The following COXFA4 variants were observed in gnomAD, a reference collection of about 807,000 sequenced individuals.
COXFA4 encodes the protein cytochrome c oxidase subunit FA4.
chr7:10,932,546 C>T, the COXFA4 span: 1 of 152,160 alleles, frequency 6.6e-6, no homozygotes, highest in Non-Finnish European at 1.5e-5. Context: ...TGTATACTTA[C>T]GTATGAAAAT....
chr7:10,940,078 A>C, the COXFA4 span: 1 of 1,613,272 alleles, frequency 6.2e-7, no homozygotes, highest in Non-Finnish European at 8.5e-7. Context: ...GAGGTCTCCG[A>C]CTGGAAAGGA....
the COXFA4 span, chr7:10,940,098 C>T: frequency 8.1e-6 from 13 of 1,605,458 alleles, no homozygotes; most frequent in African/African-American, 1.3e-5. Context: ...AGAGAACCGA[C>T]CTAGCCACCA....
the COXFA4 span, chr7:10,932,804 T>TA: frequency 4.0e-5 from 6 of 151,666 alleles, no homozygotes; most frequent in East Asian, 5.8e-4. Flanking sequence ...ACCCTGTCTC[T>TA]AAAAAAAATT....
At chr7:10,938,882 A>G in the COXFA4 span, 2 of 1,613,262 alleles carry the variant, frequency 1.2e-6, no homozygotes, top group Non-Finnish European at 1.7e-6. Context: ...CAATAAATAC[A>G]AAGAGGGGGA....
the COXFA4 span, chr7:10,933,578 C>T: frequency 5.2e-6 from 7 of 1,359,088 alleles, no homozygotes; most frequent in African/African-American, 1.4e-5. Context: ...GAAAATTGTG[C>T]GGATGTGGCT....
the COXFA4 span, among the ~76,000 whole-genome samples, chr7:10,934,206 T>G: frequency 6.6e-6 from 1 of 151,984 alleles, no homozygotes; most frequent in Admixed American, 6.6e-5. Flanking sequence ...TCTAAGATAT[T>G]TTCTCTCTCT....
At chr7:10,939,137 T>C in the COXFA4 span, 10 of 413,934 alleles carry the variant, frequency 2.4e-5, no homozygotes, top group African/African-American at 4.0e-5. Context: ...GTCTTACTTT[T>C]TAATGTGGAG....
At chr7:10,939,583 C>T in the COXFA4 span, 1,182 of 185,810 alleles carry the variant, frequency 6.4e-3, 11 homozygotes, top group Middle Eastern at 0.017. Flanking sequence ...ATCACGGACC[C>T]CTCTTATTTA....
At chr7:10,934,378 A>AAAAG in the COXFA4 span, among the ~76,000 whole-genome samples, 1 of 131,736 alleles carries the variant, frequency 7.6e-6, no homozygotes, top group East Asian at 2.5e-4. Context: ...GATTGCTTTA[A>AAAAG]AAAAAAAAAA....
the COXFA4 span, among the ~76,000 whole-genome samples, chr7:10,936,863 C>A: frequency 6.6e-6 from 1 of 152,072 alleles, no homozygotes; most frequent in Admixed American, 6.5e-5. Context: ...CGGCAAAACC[C>A]CATCTCTACT....
chr7:10,935,298 A>AT, the COXFA4 span, among the ~76,000 whole-genome samples: 6 of 152,208 alleles, frequency 3.9e-5, no homozygotes, highest in African/African-American at 1.4e-4. Context: ...TCTCAGTTTA[A>AT]TGCTGGCTAC....
chr7:10,933,750 G>T, the COXFA4 span: 3 of 1,284,990 alleles, frequency 2.3e-6, no homozygotes, highest in African/African-American at 1.5e-5. Context: ...ACGGTACAAA[G>T]GTTTTAGAAT....
At chr7:10,933,357 T>C in the COXFA4 span, 1 of 390,324 alleles carries the variant, frequency 2.6e-6, no homozygotes, top group Non-Finnish European at 4.6e-6. Flanking sequence ...AGTCGTATTT[T>C]CAAACTACAG....
At chr7:10,933,172 C>T in the COXFA4 span, 1 of 163,420 alleles carries the variant, frequency 6.1e-6, no homozygotes, top group African/African-American at 2.4e-5. Flanking sequence ...AAACTGCACA[C>T]ACTTCAACAG....
chr7:10,939,849 G>A, the COXFA4 span: 6 of 806,212 alleles, frequency 7.4e-6, no homozygotes, highest in Non-Finnish European at 1.1e-5. Flanking sequence ...GGCGTAGAGG[G>A]TCACAGAGGC....
the COXFA4 span, chr7:10,933,433 T>G: frequency 3.6e-6 from 2 of 554,780 alleles, no homozygotes; most frequent in South Asian, 2.3e-5. Flanking sequence ...GAGCATACTT[T>G]CAGCATAAAA....
At chr7:10,939,280 A>C in the COXFA4 span, 1 of 223,944 alleles carries the variant, frequency 4.5e-6, no homozygotes, top group Non-Finnish European at 9.0e-6. Flanking sequence ...AATTCTTTGC[A>C]AATTATTTAA....
the COXFA4 span, chr7:10,937,935 A>G: frequency 1.5e-6 from 1 of 649,110 alleles, no homozygotes; most frequent in Non-Finnish European, 2.8e-6. Context: ...TATTAGAGCA[A>G]TATACCATTT....
the COXFA4 span, chr7:10,939,034 G>A: frequency 1.5e-6 from 1 of 661,604 alleles, no homozygotes; most frequent in African/African-American, 1.8e-5. Context: ...TTTAAATAAA[G>A]TAGATCTTAC....
Sources: gnomAD v4.1 joint callset for allele counts (sites outside exome capture counted in the v4.1 genomes callset) on GRCh38, gnomAD v4.1.1 for gene constraint, MANE v1.5 for transcripts, NCBI Gene and HGNC (gene_info 2026-07-23, HGNC 2026-07-21) for gene names.